Variants in PDE3B observed in about 807,000 individuals in gnomAD.
PDE3B encodes the protein phosphodiesterase 3B, also known as cGMP-inhibited 3',5'-cyclic phosphodiesterase 3B.
Under a neutral mutation model 116.8 loss-of-function variants are expected in PDE3B, and 66 were observed. That is an observed-to-expected ratio of 0.56 (90% CI 0.46 to 0.69). The LOEUF (loss-of-function observed/expected upper bound fraction) is 0.69, where lower values mean the gene tolerates loss of function less well. PDE3B is among the 30% of genes least tolerant of loss of function. PDE3B has a pLI of 0.00. For synonymous variants in PDE3B, 595 were observed against 533.6 expected, an observed-to-expected ratio of 1.12 and a Z score of -1.59; for missense variants, 1,384 against 1,368.1, an observed-to-expected ratio of 1.01 and a Z score of -0.18.
chr11:14,673,427 T>C (rs1187879056), intron 1 of PDE3B, among the ~76,000 whole-genome samples: 2 of 151,906 alleles, frequency 1.3e-5, no homozygotes, highest in Admixed American at 6.6e-5. Flanking sequence ...AAAAAGGATC[T>C]ATTACCCCTT....
At chr11:14,657,533 T>C (rs1416392529) in intron 1 of PDE3B, among the ~76,000 whole-genome samples, 1 of 152,182 alleles carries the variant, frequency 6.6e-6, no homozygotes, top group Non-Finnish European at 1.5e-5. Context: ...ATATTTTTCT[T>C]TACGGGAAAA....
At chr11:14,847,599 CTAAT>C (rs2133978375) in intron 12 of PDE3B, among the ~76,000 whole-genome samples, 1 of 151,820 alleles carries the variant, frequency 6.6e-6, no homozygotes, top group Non-Finnish European at 1.5e-5. Context: ...GCTAGCAAGA[CTAAT>C]AAAGAAAAGA....
intron 4 of PDE3B, among the ~76,000 whole-genome samples, chr11:14,795,869 A>G (rs776825482): frequency 1.4e-4 from 21 of 152,074 alleles, no homozygotes; most frequent in Admixed American, 2.0e-4. Flanking sequence ...TCAATTCATT[A>G]TCTTATTATT....
chr11:14,819,411 C>T (rs765266366), intron 7 of PDE3B, among the ~76,000 whole-genome samples: 1 of 152,010 alleles, frequency 6.6e-6, no homozygotes, highest in Non-Finnish European at 1.5e-5. Context: ...ATAAAAATGT[C>T]CCATACAAAT....
At chr11:14,680,632 T>G (rs1467943104) in intron 1 of PDE3B, among the ~76,000 whole-genome samples, 1 of 152,208 alleles carries the variant, frequency 6.6e-6, no homozygotes, top group Non-Finnish European at 1.5e-5. Context: ...ACACTTATTG[T>G]TATACATTCT....
At chr11:14,858,950 A>C in intron 12 of PDE3B, 93 bp from the exon 13 acceptor site, 1 of 807,928 alleles carries the variant, frequency 1.2e-6, no homozygotes, top group South Asian at 1.7e-5. Flanking sequence ...TATAGTAGGT[A>C]TTCATTGTTT....
intron 1 of PDE3B, among the ~76,000 whole-genome samples, chr11:14,657,621 T>C (rs576848143): frequency 4.6e-5 from 7 of 152,212 alleles, no homozygotes; most frequent in Non-Finnish European, 8.8e-5. Context: ...TGTAAAAATA[T>C]GCACCATCTA....
intron 4 of PDE3B, among the ~76,000 whole-genome samples, chr11:14,794,667 G>T (rs1858496309): frequency 1.3e-5 from 2 of 152,078 alleles, no homozygotes; most frequent in African/African-American, 4.8e-5. Context: ...GATCATACTG[G>T]TTAAGGACTC....
rs138867888 is a variant in PDE3B at position 14,819,182 on chromosome 11, G to A, written c.1780G>A (p.Gly594Ser). The A allele has an allele frequency of 5.8e-4, 918 of 1,593,446 alleles. 6 individuals carry two copies. Among genetic ancestry groups the A allele is most frequent in the Non-Finnish European group, 5.4e-5 (63 of 1,166,376 alleles). The stretch of plus-strand genomic sequence containing the variant: ...ATATGTTTCAACATCTGAATCAGAT[G>A]GTACAGATTGCTGCAGTGGAAAATC... ...LKYVSTSESD[G>S]TDCCSGKSGE... Residue 594 changes from glycine to serine, a missense_variant, in exon 7 of 16, where the codon GGT (glycine) becomes AGT (serine). Around this residue, in one of 2 missense-constraint regions of PDE3B, gnomAD observed 956 missense variants for 806.8 expected, o/e 1.18. Transcript: ENST00000282096.
chr11:14,715,603 T>C (rs967966108), intron 1 of PDE3B, among the ~76,000 whole-genome samples: 4 of 152,240 alleles, frequency 2.6e-5, no homozygotes, highest in African/African-American at 9.6e-5. Context: ...CTTTTGCACA[T>C]TGATTTTGTA....
At chr11:14,651,431 C>A in intron 1 of PDE3B, among the ~76,000 whole-genome samples, 1 of 152,094 alleles carries the variant, frequency 6.6e-6, no homozygotes, top group East Asian at 1.9e-4. Flanking sequence ...TGGGGCGATA[C>A]AATTCAGCCC....
intron 1 of PDE3B, among the ~76,000 whole-genome samples, chr11:14,769,986 C>T (rs1464505507): frequency 6.6e-6 from 1 of 151,096 alleles, no homozygotes; most frequent in African/African-American, 2.4e-5. Flanking sequence ...GTTAAGAAAC[C>T]ATCCTAATGA....
intron 12 of PDE3B, among the ~76,000 whole-genome samples, chr11:14,845,772 G>A (rs1262859195): frequency 1.3e-5 from 2 of 152,202 alleles, no homozygotes; most frequent in Admixed American, 1.3e-4. Flanking sequence ...AATGAAGCAA[G>A]AAGGGAAGTT....
At chr11:14,804,940 C>T (rs1858875897) in intron 5 of PDE3B, among the ~76,000 whole-genome samples, 1 of 151,964 alleles carries the variant, frequency 6.6e-6, no homozygotes, top group African/African-American at 2.4e-5. Context: ...AAGTAGTGAA[C>T]TTGAAGACAG....
chr11:14,839,999 T>C (rs1396914765), intron 11 of PDE3B, among the ~76,000 whole-genome samples: 3 of 152,192 alleles, frequency 2.0e-5, no homozygotes, highest in Non-Finnish European at 4.4e-5. Flanking sequence ...CATAAAGGGC[T>C]CTTTGGATTC....
chr11:14,707,149 G>T (rs114213271), intron 1 of PDE3B, among the ~76,000 whole-genome samples: 23 of 152,074 alleles, frequency 1.5e-4, no homozygotes, highest in African/African-American at 5.5e-4. Flanking sequence ...GGTAGAACAT[G>T]CCTGGAAGGA....
downstream of PDE3B, among the ~76,000 whole-genome samples, chr11:14,875,391 C>G (rs782213491): frequency 6.6e-6 from 1 of 152,084 alleles, no homozygotes; most frequent in Non-Finnish European, 1.5e-5. Flanking sequence ...TATTCCTTTT[C>G]CTATCCTTAA....
Position 14,643,930 on chromosome 11 carries a change from A to C in PDE3B, c.-146A>C. 1 of 1,215,154 alleles carries C rather than the reference A, an allele frequency of 8.2e-7. No individual in the cohort carries two copies. The highest frequency in any genetic ancestry group is 1.1e-6 in the Non-Finnish European group (1 of 939,268). 75.3% of individuals were successfully genotyped at this position (1,215,154 alleles called of 1,614,324 possible). Reference sequence around the variant, plus strand: ...CCGCTCCTCAGTCCGCGCGGTGGGGACCCCGGGCCGTGGCGGCCGGCGCAG... The same window carrying C: ...CCGCTCCTCAGTCCGCGCGGTGGGGCCCCCGGGCCGTGGCGGCCGGCGCAG... On this transcript the variant is annotated 5_prime_UTR_variant, in exon 1 of 16. Transcript: ENST00000282096.
At chr11:14,886,249 C>T in the PDE3B span, 1 of 242,170 alleles carries the variant, frequency 4.1e-6, no homozygotes, top group Non-Finnish European at 8.1e-6. Flanking sequence ...CCTATCTGGG[C>T]TTCAGTATTG....
Sources: gnomAD v4.1 joint callset for allele counts (sites outside exome capture counted in the v4.1 genomes callset) on GRCh38, gnomAD v4.1.1 for gene constraint, gnomAD v4.1.1 regional missense constraint, MANE v1.5 for transcripts, NCBI Gene and HGNC (gene_info 2026-07-23, HGNC 2026-07-21) for gene names.